Variants in CBFA2T3 observed in about 807,000 individuals in gnomAD.
CBFA2T3 encodes transcriptional corepressor CBFA2T3.
CBFA2T3 carries 31 observed loss-of-function variants against 58.6 expected under a neutral mutation model. The observed-to-expected ratio is 0.53, with a 90% CI of 0.40 to 0.71. The LOEUF (loss-of-function observed/expected upper bound fraction) is 0.71. Ranked by LOEUF, CBFA2T3 falls within the 30% of genes least tolerant of loss-of-function variation. The pLI is 0.00. For synonymous variants in CBFA2T3, 531 were observed against 421.9 expected (o/e 1.26, Z -3.17); for missense variants, 1,076 against 963.1 (o/e 1.12, Z -1.55).
At chr16:88,877,410 C>T in intron 11 of CBFA2T3, 135 bp from the exon 12 acceptor site, 2 of 707,400 alleles carry the variant, frequency 2.8e-6, no homozygotes, top group South Asian at 1.9e-5. Context: ...CCCCACAGCC[C>T]TCGGGCCATG....
Position 88,892,185 on chromosome 16 carries a change from C to T in CBFA2T3, c.621+59G>A, listed in dbSNP as rs1245004793. The T allele has an allele frequency of 2.0e-5, 32 of 1,566,048 alleles. No individual in the cohort carries two copies. In the East Asian group the frequency reaches 7.2e-4, roughly 35 times the overall value. On this transcript the variant is annotated intron_variant, in intron 4 of 11. Transcript: ENST00000268679. ...TGTAAGGAGTGGCCGTGGCTGCAAC[C>T]TCATTAAACGGAGGGAATATGCATG...
At chr16:88,975,045 C>T (rs2142892775) in intron 1 of CBFA2T3, among the ~76,000 whole-genome samples, 1 of 139,148 alleles carries the variant, frequency 7.2e-6, no homozygotes, top group Admixed American at 7.2e-5. Flanking sequence ...GCTCCCTCCT[C>T]ACATTGCAGC....
chr16:88,935,571 C>G (rs1428445833), intron 1 of CBFA2T3, among the ~76,000 whole-genome samples: 1 of 152,210 alleles, frequency 6.6e-6, no homozygotes, highest in Non-Finnish European at 1.5e-5. Context: ...AGCTTGCAGG[C>G]TGTCCTCGCG....
chr16:88,943,495 C>T (rs1971815298), intron 1 of CBFA2T3, among the ~76,000 whole-genome samples: 1 of 152,228 alleles, frequency 6.6e-6, no homozygotes, highest in South Asian at 2.1e-4. Flanking sequence ...GCAGCCCCTC[C>T]TCCCTACTCA....
intron 1 of CBFA2T3, among the ~76,000 whole-genome samples, chr16:88,943,032 G>A (rs1048923026): frequency 6.6e-6 from 1 of 150,940 alleles, no homozygotes; most frequent in Non-Finnish European, 1.5e-5. Flanking sequence ...GGACTCTGAG[G>A]CACAGTGGAT....
chr16:88,956,160 C>T (rs1271202174), intron 1 of CBFA2T3, among the ~76,000 whole-genome samples: 3 of 152,258 alleles, frequency 2.0e-5, no homozygotes, highest in Non-Finnish European at 4.4e-5. Flanking sequence ...CCAGGAGAGC[C>T]GTGGAGGGCA....
intron 1 of CBFA2T3, among the ~76,000 whole-genome samples, chr16:88,973,386 C>A (rs921091664): frequency 3.3e-5 from 5 of 152,178 alleles, no homozygotes; most frequent in Non-Finnish European, 7.4e-5. Context: ...GAAGGCAGGA[C>A]CTGGAGGAGC....
chr16:88,950,476 C>T (rs12924185), intron 1 of CBFA2T3: 120,264 of 382,952 alleles, frequency 0.31, 24,261 homozygotes, highest in Middle Eastern at 0.48. Flanking sequence ...ACCCCTCCCC[C>T]GGACCGGCAC....
chr16:88,897,740 C>T (rs957982539), intron 3 of CBFA2T3, among the ~76,000 whole-genome samples: 3 of 152,224 alleles, frequency 2.0e-5, no homozygotes, highest in Admixed American at 1.3e-4. Flanking sequence ...GAGCTACAGG[C>T]TGGCCAGGGA....
At chr16:88,905,964 GA>G (rs1193945407) in intron 1 of CBFA2T3, among the ~76,000 whole-genome samples, 2 of 146,444 alleles carry the variant, frequency 1.4e-5, no homozygotes, top group African/African-American at 2.8e-5. Context: ...GCCACAGCAG[GA>G]GGCTGAGTCC....
intron 1 of CBFA2T3, among the ~76,000 whole-genome samples, chr16:88,960,734 G>A (rs1393784687): frequency 2.6e-5 from 4 of 152,196 alleles, no homozygotes; most frequent in Non-Finnish European, 4.4e-5. Flanking sequence ...GCACTGGCCT[G>A]GGCCACCCGC....
At chr16:88,915,188 G>A (rs902143361) in intron 1 of CBFA2T3, among the ~76,000 whole-genome samples, 6 of 132,282 alleles carry the variant, frequency 4.5e-5, no homozygotes, top group South Asian at 2.6e-4. Flanking sequence ...GTGCCGCCAG[G>A]TGGTGGCGTG....
chr16:88,879,531 T>C, intron 10 of CBFA2T3, 71 bp from the exon 11 acceptor site: 1 of 1,428,650 alleles, frequency 7.0e-7, no homozygotes, highest in South Asian at 1.2e-5. Flanking sequence ...TTCCTACGCG[T>C]GGCCACAACC....
chr16:88,920,353 T>C (rs1389428031), intron 1 of CBFA2T3, among the ~76,000 whole-genome samples: 1 of 152,180 alleles, frequency 6.6e-6, no homozygotes, highest in African/African-American at 2.4e-5. Flanking sequence ...CTCGCCTCAC[T>C]GCAACCTCTG....
chr16:88,881,533 G>A, intron 8 of CBFA2T3, 44 bp from the exon 9 acceptor site: 9 of 1,559,142 alleles, frequency 5.8e-6, no homozygotes, highest in Admixed American at 3.5e-5. Context: ...GAGGGACCGG[G>A]ACGCACCAGA....
intron 1 of CBFA2T3, among the ~76,000 whole-genome samples, chr16:88,921,371 C>A (rs1161050556): frequency 2.0e-5 from 3 of 152,232 alleles, no homozygotes; most frequent in Non-Finnish European, 4.4e-5. Context: ...ATCCTCCGTG[C>A]CACGCCGCCC....
intron 1 of CBFA2T3, among the ~76,000 whole-genome samples, chr16:88,905,275 A>G (rs117558576): frequency 0.055 from 8,386 of 151,514 alleles, 457 homozygotes; most frequent in East Asian, 0.26. Flanking sequence ...GCCCACACCC[A>G]CTCCATGACA....
At position 88,885,690 on chromosome 16, in the gene CBFA2T3, C is replaced by T. The variant is rs1969338576; in HGVS notation, c.893+271G>A. The stretch of plus-strand genomic sequence containing the variant: ...ACCCCGGACGCTCGGAGTCCATGCC[C>T]GGCACACAGGGGAGAGCCGTCCTCC... On this transcript the variant is annotated intron_variant, in intron 6 of 11. Coordinates refer to ENST00000268679, the MANE Select transcript of CBFA2T3 (RefSeq NM_005187.6). This position sits in a 1 kb window ranked among gnomAD's most constrained non-coding sequence, Gnocchi z 5.3. The T allele has an allele frequency of 1.2e-5, 6 of 494,786 alleles. No individual in the cohort carries two copies. The highest frequency in any genetic ancestry group is 5.2e-5 in the South Asian group (2 of 38,192). 30.6% of individuals were successfully genotyped at this position (494,786 alleles called of 1,614,324 possible).
intron 1 of CBFA2T3, among the ~76,000 whole-genome samples, chr16:88,923,167 G>A (rs944150416): frequency 6.6e-6 from 1 of 152,236 alleles, no homozygotes. Flanking sequence ...GCAGGTTGGC[G>A]AGCTGGGAGC....
Sources: gnomAD v4.1 joint callset for allele counts (sites outside exome capture counted in the v4.1 genomes callset) on GRCh38, gnomAD v4.1.1 for gene constraint, Gnocchi (gnomAD v3.1) non-coding constraint, MANE v1.5 for transcripts, NCBI Gene and HGNC (gene_info 2026-07-23, HGNC 2026-07-21) for gene names.